The following SH3GL2 variants were observed in gnomAD, a reference collection of about 807,000 sequenced individuals.
The protein encoded by SH3GL2 is endophilin-A1.
SH3GL2 carries 24 observed loss-of-function variants against 46.0 expected under a neutral mutation model. The observed-to-expected ratio is 0.52, with a 90% CI of 0.38 to 0.73. The LOEUF (loss-of-function observed/expected upper bound fraction) is 0.73. Among genes scored for constraint, SH3GL2 ranks in the 30% least tolerant of loss-of-function variants. SH3GL2 has a pLI of 0.00. For missense variants in SH3GL2, 413 were observed against 424.2 expected (o/e 0.97, Z 0.23); for synonymous variants, 196 against 147.1 (o/e 1.33, Z -2.40).
At chr9:17,658,590 G>A (rs1441689909) in intron 1 of SH3GL2, among the ~76,000 whole-genome samples, 2 of 152,230 alleles carry the variant, frequency 1.3e-5, no homozygotes, top group South Asian at 2.1e-4. Context: ...ATAACATTGT[G>A]AGATTTCCTC....
At chr9:17,755,341 T>C (rs1822957771) in intron 2 of SH3GL2, among the ~76,000 whole-genome samples, 1 of 152,240 alleles carries the variant, frequency 6.6e-6, no homozygotes, top group African/African-American at 2.4e-5. Flanking sequence ...AAAGCCTACT[T>C]GATAATGGTG....
At chr9:17,629,003 T>C (rs1563789181) in intron 1 of SH3GL2, among the ~76,000 whole-genome samples, 1 of 152,030 alleles carries the variant, frequency 6.6e-6, no homozygotes, top group Non-Finnish European at 1.5e-5. Context: ...TGCTGATGCC[T>C]TCTGTCTGTC....
At chr9:17,698,658 A>G (rs1821267587) in intron 1 of SH3GL2, among the ~76,000 whole-genome samples, 1 of 152,198 alleles carries the variant, frequency 6.6e-6, no homozygotes, top group Non-Finnish European at 1.5e-5. Context: ...GAGAAAAATA[A>G]TGCTGGGCAG....
chr9:17,784,480 AG>A (rs1181658434), intron 3 of SH3GL2, among the ~76,000 whole-genome samples: 1 of 152,004 alleles, frequency 6.6e-6, no homozygotes, highest in African/African-American at 2.4e-5. Context: ...TGTGTGTTTT[AG>A]GTGTTGTTTA....
chr9:17,642,324 A>G (rs1454763412), intron 1 of SH3GL2, among the ~76,000 whole-genome samples: 1 of 152,076 alleles, frequency 6.6e-6, no homozygotes, highest in Non-Finnish European at 1.5e-5. Context: ...GTTCACTCTG[A>G]TGATAGTTTC....
At chr9:17,771,825 G>A (rs935172401) in intron 3 of SH3GL2, among the ~76,000 whole-genome samples, 3 of 152,120 alleles carry the variant, frequency 2.0e-5, no homozygotes, top group Admixed American at 6.6e-5. Context: ...TTGGAGAGAG[G>A]TGTTATATAA....
At chr9:17,736,342 A>G (rs1822334501) in intron 1 of SH3GL2, among the ~76,000 whole-genome samples, 1 of 152,026 alleles carries the variant, frequency 6.6e-6, no homozygotes, top group African/African-American at 2.4e-5. Context: ...GTGTAGTTAT[A>G]TTTTTGGTCC....
At chr9:17,742,546 G>C (rs560877580) in intron 1 of SH3GL2, among the ~76,000 whole-genome samples, 5 of 152,278 alleles carry the variant, frequency 3.3e-5, no homozygotes, top group African/African-American at 9.6e-5. Context: ...ATCCCAGAGT[G>C]AGGTGAGCAG....
intron 7 of SH3GL2, among the ~76,000 whole-genome samples, chr9:17,793,118 A>G (rs545042281): frequency 1.3e-5 from 2 of 152,332 alleles, no homozygotes; most frequent in South Asian, 2.1e-4. Flanking sequence ...AGGACTCTGA[A>G]TAAATGAGAG....
At chr9:17,707,757 T>G (rs1175434374) in intron 1 of SH3GL2, among the ~76,000 whole-genome samples, 1 of 152,052 alleles carries the variant, frequency 6.6e-6, no homozygotes, top group African/African-American at 2.4e-5. Context: ...TACACCTAAA[T>G]CCTTATGTCT....
intron 2 of SH3GL2, among the ~76,000 whole-genome samples, chr9:17,758,688 A>G (rs1359957551): frequency 6.7e-6 from 1 of 150,084 alleles, no homozygotes; most frequent in East Asian, 2.0e-4. Context: ...ATGTAACTGT[A>G]TTGAATAAAG....
Position 17,708,382 on chromosome 9 carries a change from T to C in SH3GL2, c.46-38684T>C, listed in dbSNP as rs561348389. On this transcript the variant is annotated intron_variant, in intron 1 of 8. Coordinates refer to ENST00000380607, the MANE Select transcript of SH3GL2 (RefSeq NM_003026.5). ...GATTTTGACTCTTAGCATTCTTTCATGTCAGATGTTTCTAGAGAAACTCTA... is the reference window on the plus strand; with the variant it reads ...GATTTTGACTCTTAGCATTCTTTCACGTCAGATGTTTCTAGAGAAACTCTA... Among the ~76,000 whole-genome samples, 7 of 152,232 alleles carry C rather than the reference T, an allele frequency of 4.6e-5. No individual in the cohort carries two copies. In the East Asian group the frequency reaches 1.2e-3, roughly 25 times the overall value.
intron 1 of SH3GL2, among the ~76,000 whole-genome samples, chr9:17,598,197 T>A (rs1818608968): frequency 6.6e-6 from 1 of 152,082 alleles, no homozygotes; most frequent in South Asian, 2.1e-4. Context: ...CTGACGTCAT[T>A]CAAAAAGTGA....
At chr9:17,728,644 A>G (rs1384236312) in intron 1 of SH3GL2, among the ~76,000 whole-genome samples, 1 of 151,810 alleles carries the variant, frequency 6.6e-6, no homozygotes, top group Non-Finnish European at 1.5e-5. Flanking sequence ...ACCCCAGACA[A>G]GCCCCAGTGT....
At chr9:17,703,061 A>T (rs1038093267) in intron 1 of SH3GL2, among the ~76,000 whole-genome samples, 1 of 151,990 alleles carries the variant, frequency 6.6e-6, no homozygotes, top group Non-Finnish European at 1.5e-5. Flanking sequence ...ATCCCTCAAG[A>T]TGGGGACACA....
At chr9:17,654,179 G>A (rs948913605) in intron 1 of SH3GL2, among the ~76,000 whole-genome samples, 3 of 152,082 alleles carry the variant, frequency 2.0e-5, no homozygotes, top group Non-Finnish European at 4.4e-5. Context: ...TGGAAAAACT[G>A]ATACTTTGGC....
chr9:17,616,491 G>A (rs545530138), intron 1 of SH3GL2, among the ~76,000 whole-genome samples: 2 of 152,226 alleles, frequency 1.3e-5, no homozygotes, highest in African/African-American at 2.4e-5. Flanking sequence ...TACTTTTTGT[G>A]GGGTAGTATT....
chr9:17,649,904 T>G (rs755369222), intron 1 of SH3GL2, among the ~76,000 whole-genome samples: 5 of 152,234 alleles, frequency 3.3e-5, no homozygotes, highest in Non-Finnish European at 5.9e-5. Flanking sequence ...AGGTTTGTAC[T>G]GAAATGGTGT....
In SH3GL2 at chr9:17,579,116, C is replaced by G; in HGVS notation, c.-127C>G. 1.8e-6 allele frequency: 1 copy of G among 559,756 alleles called. No individual in the cohort carries two copies. The highest frequency in any genetic ancestry group is 2.7e-5 in the South Asian group (1 of 36,752). The allele number at this position is 559,756 out of a possible 1,614,324, so 34.7% of individuals were successfully genotyped here. On this transcript the variant is annotated 5_prime_UTR_variant, in exon 1 of 9. Transcript: ENST00000380607. ...CGTGTCCCGCTAGGCTCCGCGCCCT[C>G]GCGCCCATAGCCCCGGCGGCGGCAC...
Sources: gnomAD v4.1 joint callset for allele counts (sites outside exome capture counted in the v4.1 genomes callset) on GRCh38, gnomAD v4.1.1 for gene constraint, MANE v1.5 for transcripts, NCBI Gene and HGNC (gene_info 2026-07-23, HGNC 2026-07-21) for gene names.